Variants in ACAD10 observed in about 807,000 individuals in gnomAD.
ACAD10 encodes the protein ACAD-10.
A neutral mutation model predicts 116.8 loss-of-function variants in ACAD10; 112 were observed. The observed-to-expected ratio is 0.96, with a 90% CI of 0.82 to 1.12. ACAD10 has a LOEUF of 1.12. Ranked by LOEUF, ACAD10 falls within the 50% of genes most tolerant of loss-of-function variation. The probability of loss-of-function intolerance (pLI) is 0.00; values close to 1 mark genes in which losing one functional copy is unlikely to be tolerated. For synonymous variants in ACAD10, 486 were observed against 510.6 expected (o/e 0.95, Z 0.65); for missense variants, 1,259 against 1,350.2 (o/e 0.93, Z 1.06).
chr12:111,698,658 G>C lies in ACAD10; in HGVS notation c.188-3504G>C, dbSNP rs186081349. ...ACCCCTGGCTAATTTTGTATTTTTA[G>C]TAGAGACGGAGTTTCTCCACGTTGG... On this transcript the variant is annotated intron_variant, in intron 2 of 20. Coordinates refer to ENST00000313698, the MANE Select transcript of ACAD10 (RefSeq NM_025247.6). Among the ~76,000 whole-genome samples, 779 of 151,466 alleles carry C rather than the reference G, an allele frequency of 5.1e-3. 2 individuals are homozygous for C. Among genetic ancestry groups the C allele is most frequent in the African/African-American group, 0.018 (732 of 41,256 alleles).
intron 11 of ACAD10, among the ~76,000 whole-genome samples, chr12:111,735,106 C>T (rs1482238432): frequency 1.3e-5 from 2 of 151,784 alleles, no homozygotes; most frequent in Non-Finnish European, 2.9e-5. Flanking sequence ...CACCTGTAGT[C>T]CCAGCTACTC....
chr12:111,727,181 G>A (rs1209142410), intron 8 of ACAD10, among the ~76,000 whole-genome samples: 1 of 151,750 alleles, frequency 6.6e-6, no homozygotes, highest in Non-Finnish European at 1.5e-5. Flanking sequence ...AGCCAAGATC[G>A]CGCCACTGCA....
At chr12:111,748,923 A>T in intron 17 of ACAD10, 1 of 1,283,374 alleles carries the variant, frequency 7.8e-7, no homozygotes, top group Non-Finnish European at 1.1e-6. Flanking sequence ...GCTTCAGCTT[A>T]AGGTGGCATT....
chr12:111,712,514 C>CTGCA lies in ACAD10; in HGVS notation c.708_711dup (p.Val238CysfsTer56). ...TGAAACCAGGTTAATGACCCAGAGACTGCAGTAAAGGAATTAGAAGCTCTC... is the reference window on the plus strand; with the variant it reads ...TGAAACCAGGTTAATGACCCAGAGACTGCATGCAGTAAAGGAATTAGAAGCTCTC... On this transcript the variant is annotated frameshift_variant, in exon 6 of 21. Coordinates refer to ENST00000313698, the MANE Select transcript of ACAD10 (RefSeq NM_025247.6). LOFTEE classifies it high-confidence loss of function. 3 of 1,613,878 alleles carry CTGCA rather than the reference C, an allele frequency of 1.9e-6. No individual in the cohort carries two copies. The highest frequency in any genetic ancestry group is 2.5e-6 in the Non-Finnish European group (3 of 1,179,884).
At chr12:111,756,300 C>T (rs1456138195) in intron 20 of ACAD10, 33 bp from the exon 21 acceptor site, 1 of 1,553,072 alleles carries the variant, frequency 6.4e-7, no homozygotes, top group South Asian at 1.2e-5. Context: ...AGGGCTGACC[C>T]AGGGCCGCCT....
At chr12:111,748,868 T>C in intron 17 of ACAD10, 3 of 852,182 alleles carry the variant, frequency 3.5e-6, no homozygotes, top group Non-Finnish European at 5.4e-6. Context: ...CATTTTTACT[T>C]TCAGTGTTTT....
At chr12:111,748,981 A>C (rs1889992938) in intron 17 of ACAD10, 192 bp from the exon 18 acceptor site, 1 of 1,592,098 alleles carries the variant, frequency 6.3e-7, no homozygotes, top group Non-Finnish European at 8.6e-7. Flanking sequence ...TGCCATTATA[A>C]ATCAGTGATT....
intron 2 of ACAD10, 86 bp from the exon 3 acceptor site, chr12:111,702,076 A>G: frequency 7.1e-7 from 1 of 1,401,312 alleles, no homozygotes; most frequent in Non-Finnish European, 9.8e-7. Context: ...GCGAGTCCGT[A>G]GGAACTGGTA....
Position 111,748,449 on chromosome 12 carries a change from C to A in ACAD10, c.2618C>A (p.Thr873Lys), listed in dbSNP as rs150643910. ...TPGIKIIRPLTVYGLEDAPGG... is the reference protein window; with the variant it reads ...TPGIKIIRPLKVYGLEDAPGG... ...GGGATAAAAATCATCCGGCCTCTGA[C>A]GGTGTATGGACTGGAAGATGCACCA... The change falls in exon 17 of 21, where the codon ACG becomes AAG. Residue 873 changes from threonine (T) to lysine (K), a missense_variant. By Grantham distance (78) the Thr-to-Lys change is moderately conservative. Transcript: ENST00000313698. 6.2e-7 allele frequency: 1 copy of A among 1,613,658 alleles called. No individual in the cohort carries two copies. The highest frequency in any genetic ancestry group is 1.3e-5 in the African/African-American group (1 of 74,898).
intron 3 of ACAD10, among the ~76,000 whole-genome samples, chr12:111,705,536 C>T (rs1888475236): frequency 1.3e-5 from 2 of 152,182 alleles, no homozygotes; most frequent in Non-Finnish European, 2.9e-5. Context: ...AACTCTAGTC[C>T]TGGATAACTT....
chr12:111,738,093 A>G (rs969158071), intron 12 of ACAD10, among the ~76,000 whole-genome samples: 7 of 151,746 alleles, frequency 4.6e-5, no homozygotes, highest in Non-Finnish European at 1.0e-4. Context: ...CTGACCTCAG[A>G]TGATCCATCC....
chr12:111,722,552 C>T (rs949080941), intron 8 of ACAD10, among the ~76,000 whole-genome samples: 6 of 151,796 alleles, frequency 4.0e-5, no homozygotes, highest in African/African-American at 1.5e-4. Context: ...GTGTTTGTGT[C>T]CCTGGGTACT....
At chr12:111,693,899 G>A (rs921812643) in intron 2 of ACAD10, among the ~76,000 whole-genome samples, 8 of 152,266 alleles carry the variant, frequency 5.3e-5, no homozygotes, top group African/African-American at 9.6e-5. Context: ...TGTGTGATGC[G>A]ACTCTGTGGT....
At chr12:111,701,880 C>A (rs970227614) in intron 2 of ACAD10, among the ~76,000 whole-genome samples, 6 of 152,156 alleles carry the variant, frequency 3.9e-5, no homozygotes, top group African/African-American at 1.4e-4. Context: ...AATATGAGAT[C>A]AAGGAATAAA....
At chr12:111,754,590 C>T (rs1890157041) in intron 19 of ACAD10, among the ~76,000 whole-genome samples, 1 of 151,892 alleles carries the variant, frequency 6.6e-6, no homozygotes, top group Admixed American at 6.6e-5. Flanking sequence ...GCCTCCAACC[C>T]CACCCAAGAC....
chr12:111,700,390 C>G (rs1341720460), intron 2 of ACAD10, among the ~76,000 whole-genome samples: 1 of 152,118 alleles, frequency 6.6e-6, no homozygotes, highest in Non-Finnish European at 1.5e-5. Flanking sequence ...TTGTACATAA[C>G]CTTTGCTTAC....
chr12:111,691,207 TGTG>T (rs1336829619), intron 1 of ACAD10: 1 of 152,200 alleles, frequency 6.6e-6, no homozygotes, highest in African/African-American at 2.4e-5. Context: ...GTATGTGTGT[TGTG>T]TGTGTCTTTT....
intron 1 of ACAD10, among the ~76,000 whole-genome samples, chr12:111,686,716 C>A (rs1887869582): frequency 6.6e-6 from 1 of 151,634 alleles, no homozygotes; most frequent in African/African-American, 2.4e-5. Context: ...AACTCCGTCT[C>A]AAAAAAAAGA....
chr12:111,708,767 TA>T, intron 4 of ACAD10, among the ~76,000 whole-genome samples: 1 of 152,108 alleles, frequency 6.6e-6, no homozygotes, highest in Non-Finnish European at 1.5e-5. Flanking sequence ...GGGGACACTG[TA>T]AAAGGACTTT....
Sources: allele counts gnomAD v4.1 joint callset (sites outside exome capture counted in the v4.1 genomes callset), GRCh38; gene constraint gnomAD v4.1.1; transcripts MANE v1.5; gene names NCBI Gene and HGNC (gene_info 2026-07-23, HGNC 2026-07-21).